The following VSNL1 variants were observed in gnomAD, a reference collection of about 807,000 sequenced individuals.
VSNL1 encodes visinin like 1.
A neutral mutation model predicts 20.4 loss-of-function variants in VSNL1; 6 were observed. The observed-to-expected ratio is 0.29, with a 90% CI of 0.16 to 0.58. The LOEUF is 0.58. VSNL1 is among the 20% of genes least tolerant of loss of function. VSNL1 has a pLI of 0.90. For missense variants in VSNL1, 100 were observed against 234.5 expected, an observed-to-expected ratio of 0.43 and a Z score of 3.75; for synonymous variants, 93 against 86.4, an observed-to-expected ratio of 1.08 and a Z score of -0.42.
At chr2:17,570,629 C>T (rs574617331) in intron 1 of VSNL1, among the ~76,000 whole-genome samples, 2 of 152,248 alleles carry the variant, frequency 1.3e-5, no homozygotes, top group African/African-American at 4.8e-5. Flanking sequence ...CTATATCAGC[C>T]ACTGCATTAG....
intron 2 of VSNL1, among the ~76,000 whole-genome samples, chr2:17,624,107 A>G (rs1308541904): frequency 2.0e-5 from 3 of 152,202 alleles, no homozygotes; most frequent in South Asian, 4.1e-4. Flanking sequence ...CAGGAACTCT[A>G]ATTTCTGCAA....
chr2:17,629,870 C>T (rs1665593442), intron 2 of VSNL1, among the ~76,000 whole-genome samples: 1 of 152,136 alleles, frequency 6.6e-6, no homozygotes, highest in Non-Finnish European at 1.5e-5. Flanking sequence ...GTGGGGTGGT[C>T]CCCCACCCCC....
rs914167331 is a variant in VSNL1, at chr2:17,627,818, G to A, written c.163-21592G>A. 1.4e-4 allele frequency among the ~76,000 whole-genome samples: 22 copies of A among 152,204 alleles called. 1 individual carries two copies. Among genetic ancestry groups the A allele is most frequent in the African/African-American group, 5.3e-4 (22 of 41,444 alleles). ...ATGATTGGTAATATTTCAAATTCCA[G>A]CCCCTCTCATCTTGATTTGGTGGCT... is the stretch of plus-strand genomic sequence containing the variant. On this transcript the variant is annotated intron_variant, in intron 2 of 3. Coordinates refer to ENST00000295156, the MANE Select transcript of VSNL1 (RefSeq NM_003385.5).
At chr2:17,614,426 C>G (rs1043973356) in intron 2 of VSNL1, among the ~76,000 whole-genome samples, 3 of 152,256 alleles carry the variant, frequency 2.0e-5, no homozygotes, top group Non-Finnish European at 4.4e-5. Flanking sequence ...TGCCAGTTGT[C>G]ATTTTCCCAA....
At chr2:17,622,142 C>A (rs1235929921) in intron 2 of VSNL1, among the ~76,000 whole-genome samples, 1 of 151,252 alleles carries the variant, frequency 6.6e-6, no homozygotes, top group African/African-American at 2.4e-5. Context: ...CCAAAGCAGG[C>A]AGCCTTCTAC....
intron 2 of VSNL1, among the ~76,000 whole-genome samples, chr2:17,618,793 T>C (rs1336693108): frequency 1.3e-5 from 2 of 152,190 alleles, no homozygotes; most frequent in African/African-American, 4.8e-5. Context: ...ATTATCCACA[T>C]TTACACATGA....
chr2:17,622,598 A>G (rs543648612), intron 2 of VSNL1, among the ~76,000 whole-genome samples: 16 of 141,852 alleles, frequency 1.1e-4, no homozygotes, highest in African/African-American at 3.9e-4. Flanking sequence ...GAAAGAAAGA[A>G]AGAAAAGAAA....
intron 2 of VSNL1, among the ~76,000 whole-genome samples, chr2:17,626,788 A>G (rs1665518916): frequency 6.6e-6 from 1 of 152,202 alleles, no homozygotes; most frequent in African/African-American, 2.4e-5. Context: ...AGGACAAAGG[A>G]AAAATCTGTC....
intron 2 of VSNL1, among the ~76,000 whole-genome samples, chr2:17,622,526 A>G (rs1416861341): frequency 8.4e-6 from 1 of 119,120 alleles, no homozygotes; most frequent in Non-Finnish European, 1.8e-5. Flanking sequence ...AAGAAAAGAA[A>G]GAAAGAAAAG....
At chr2:17,575,115 A>G (rs937589785) in intron 1 of VSNL1, among the ~76,000 whole-genome samples, 1 of 152,318 alleles carries the variant, frequency 6.6e-6, no homozygotes, top group South Asian at 2.1e-4. Flanking sequence ...GGCATGAGCC[A>G]CCATGCCCAG....
At chr2:17,578,567 A>G (rs960857936) in intron 1 of VSNL1, among the ~76,000 whole-genome samples, 19 of 152,194 alleles carry the variant, frequency 1.2e-4, no homozygotes, top group African/African-American at 4.6e-4. Context: ...TCATCCCCAC[A>G]GGGTGCCAGA....
At chr2:17,584,709 T>C (rs1482051255) in intron 1 of VSNL1, among the ~76,000 whole-genome samples, 2 of 152,174 alleles carry the variant, frequency 1.3e-5, no homozygotes, top group Non-Finnish European at 2.9e-5. Context: ...CCTACTCACA[T>C]GAGAAGACAT....
intron 2 of VSNL1, among the ~76,000 whole-genome samples, chr2:17,616,698 G>A (rs1407024636): frequency 6.6e-6 from 1 of 152,326 alleles, no homozygotes; most frequent in South Asian, 2.1e-4. Context: ...AAAGTTAACT[G>A]GTGAATAAGG....
intron 3 of VSNL1, among the ~76,000 whole-genome samples, chr2:17,651,651 C>T (rs376935732): frequency 1.4e-4 from 21 of 152,352 alleles, no homozygotes; most frequent in South Asian, 1.2e-3. Flanking sequence ...CCCGGCAGCA[C>T]CAAGGCCCGG....
chr2:17,569,322 A>G (rs1327844434), intron 1 of VSNL1, among the ~76,000 whole-genome samples: 3 of 151,508 alleles, frequency 2.0e-5, no homozygotes, highest in Non-Finnish European at 4.4e-5. Context: ...AAAAATAAAA[A>G]TAAAAATAAA....
In VSNL1 at chr2:17,605,714, T is replaced by C. The variant is rs187204542; in HGVS notation, c.162+13478T>C. Among the ~76,000 whole-genome samples, 25 of 152,288 alleles carry C rather than the reference T, an allele frequency of 1.6e-4. No individual in the cohort carries two copies. In the East Asian group the frequency reaches 4.6e-3, roughly 28 times the overall value. On this transcript the variant is annotated intron_variant, in intron 2 of 3. Coordinates refer to ENST00000295156, the MANE Select transcript of VSNL1 (RefSeq NM_003385.5). ...CCTGAAACTTGGAAATATTGGAGTG[T>C]AGGTGGCAGGAAAGGTGTCTGTTAT... is the stretch of plus-strand genomic sequence containing the variant.
chr2:17,613,231 G>A (rs1336136907), intron 2 of VSNL1, among the ~76,000 whole-genome samples: 1 of 152,198 alleles, frequency 6.6e-6, no homozygotes, highest in Non-Finnish European at 1.5e-5. Flanking sequence ...GGTACCATTG[G>A]CAGGAGTGAT....
intron 3 of VSNL1, among the ~76,000 whole-genome samples, chr2:17,650,126 T>C (rs1666093501): frequency 6.6e-6 from 1 of 152,188 alleles, no homozygotes; most frequent in Non-Finnish European, 1.5e-5. Context: ...TCTTCTTGGT[T>C]TTCTTCTAAT....
intron 1 of VSNL1, among the ~76,000 whole-genome samples, chr2:17,561,028 G>C (rs1176244621): frequency 6.6e-6 from 1 of 152,166 alleles, no homozygotes; most frequent in Non-Finnish European, 1.5e-5. Flanking sequence ...GTAAGAGTAT[G>C]ACAGTTAATC....
Sources: allele counts gnomAD v4.1 joint callset (sites outside exome capture counted in the v4.1 genomes callset), GRCh38; gene constraint gnomAD v4.1.1; transcripts MANE v1.5; gene names NCBI Gene and HGNC (gene_info 2026-07-23, HGNC 2026-07-21).